The following EIF4E3 variants were observed in gnomAD, a reference collection of about 807,000 sequenced individuals.
EIF4E3 encodes the protein eukaryotic translation initiation factor 4E type 3.
A neutral mutation model predicts 31.7 loss-of-function variants in EIF4E3; 26 were observed. The ratio of observed to expected loss-of-function variants is 0.82; its 90% confidence interval spans 0.60 to 1.14. EIF4E3 has a LOEUF of 1.14. Among genes scored for constraint, EIF4E3 ranks in the 50% most tolerant of loss-of-function variants. The pLI, the probability that EIF4E3 is intolerant of heterozygous loss-of-function variation, is 0.00. For missense variants in EIF4E3, 304 were observed against 270.9 expected (o/e 1.12, Z -0.86); for synonymous variants, 128 against 107.7 (o/e 1.19, Z -1.17).
downstream of EIF4E3, among the ~76,000 whole-genome samples, chr3:71,674,340 C>T (rs1224392705): frequency 6.6e-6 from 1 of 151,932 alleles, no homozygotes; most frequent in Non-Finnish European, 1.5e-5. Context: ...CTCCCAGCCT[C>T]AGGTGATCCA....
At chr3:71,703,521 C>T (rs755818886) in intron 2 of EIF4E3, among the ~76,000 whole-genome samples, 1 of 152,112 alleles carries the variant, frequency 6.6e-6, no homozygotes, top group Non-Finnish European at 1.5e-5. Flanking sequence ...AGGAAGGAAA[C>T]AAAGTATGGT....
the EIF4E3 span, among the ~76,000 whole-genome samples, chr3:71,660,664 G>C: frequency 6.6e-6 from 1 of 152,172 alleles, no homozygotes; most frequent in African/African-American, 2.4e-5. Context: ...TGTGAAAGAA[G>C]TCCTTCCAGG....
chr3:71,706,183 C>T (rs942369266), intron 2 of EIF4E3, among the ~76,000 whole-genome samples: 3 of 152,114 alleles, frequency 2.0e-5, no homozygotes, highest in Non-Finnish European at 4.4e-5. Context: ...GCTGAGTCTC[C>T]TCCACTCCTC....
At chr3:71,732,713 G>A (rs189114497) in intron 1 of EIF4E3, among the ~76,000 whole-genome samples, 8 of 152,318 alleles carry the variant, frequency 5.3e-5, no homozygotes, top group Admixed American at 2.0e-4. Context: ...GGGGAGAGCC[G>A]GCAGGCCTCA....
In EIF4E3 at chr3:71,694,532, C is replaced by T. The variant is rs191882176; in HGVS notation, c.406-591G>A. Among the ~76,000 whole-genome samples the T allele has an allele frequency of 3.8e-4, 58 of 151,592 alleles. No individual in the cohort carries two copies. The South Asian group carries it at 7.7e-3, about 20-fold the overall frequency. ...TCCCTGGAAGATTCAGTGCACGCTC[C>T]GGTCTGCCTCCTACCAATGAGAAAT... On this transcript the variant is annotated intron_variant, in intron 4 of 6. Coordinates refer to ENST00000425534, the MANE Select transcript of EIF4E3 (RefSeq NM_001134651.2).
the EIF4E3 span, among the ~76,000 whole-genome samples, chr3:71,666,895 C>T: frequency 3.3e-5 from 5 of 152,092 alleles, no homozygotes; most frequent in Admixed American, 6.5e-5. Flanking sequence ...GCCGAGGTCA[C>T]GCCACTGCAC....
the EIF4E3 span, among the ~76,000 whole-genome samples, chr3:71,670,413 C>T: frequency 1.3e-5 from 2 of 151,824 alleles, no homozygotes; most frequent in Admixed American, 6.6e-5. Context: ...CTCCATTGCA[C>T]CCCCCCAACC....
At chr3:71,671,393 GGA>G (rs1400328510), downstream of EIF4E3, among the ~76,000 whole-genome samples, 1 of 152,082 alleles carries the variant, frequency 6.6e-6, no homozygotes, top group Non-Finnish European at 1.5e-5. Context: ...GAGAAGAGTG[GGA>G]GAGACAGCAT....
upstream of EIF4E3, chr3:71,754,374 G>A: frequency 3.0e-6 from 4 of 1,329,920 alleles, no homozygotes; most frequent in South Asian, 1.8e-5. The surrounding 1 kb of genome is among the most constrained non-coding windows in gnomAD (Gnocchi z 5.8). Context: ...CTGCTTCCAC[G>A]CCGCCTTCCT....
At chr3:71,660,331 G>C in the EIF4E3 span, among the ~76,000 whole-genome samples, 1 of 147,392 alleles carries the variant, frequency 6.8e-6, no homozygotes, top group African/African-American at 2.5e-5. Context: ...AAGTGAAGCT[G>C]AAAAAAAAAA....
At chr3:71,712,636 G>GGC (rs1409185825) in intron 1 of EIF4E3, among the ~76,000 whole-genome samples, 1 of 55,138 alleles carries the variant, frequency 1.8e-5, no homozygotes, top group Non-Finnish European at 3.6e-5. Flanking sequence ...TGCGGGGGGT[G>GGC]GGCGGGGGAG....
At chr3:71,686,705 C>T (rs2048996947) in intron 6 of EIF4E3, among the ~76,000 whole-genome samples, 1 of 152,060 alleles carries the variant, frequency 6.6e-6, no homozygotes, top group Non-Finnish European at 1.5e-5. Flanking sequence ...GGTTTCCAAA[C>T]AATAAATCCA....
At chr3:71,700,204 A>G (rs1471060240) in intron 2 of EIF4E3, among the ~76,000 whole-genome samples, 1 of 152,088 alleles carries the variant, frequency 6.6e-6, no homozygotes, top group Non-Finnish European at 1.5e-5. Flanking sequence ...ACACAACAAC[A>G]AGAAGAAAAG....
intron 1 of EIF4E3, among the ~76,000 whole-genome samples, chr3:71,724,176 T>A (rs2049592667): frequency 6.6e-6 from 1 of 152,164 alleles, no homozygotes; most frequent in Non-Finnish European, 1.5e-5. Context: ...CCTTGAGGTG[T>A]CATCATTGGG....
chr3:71,686,541 TGA>T (rs978792454), intron 6 of EIF4E3, among the ~76,000 whole-genome samples: 4 of 126,122 alleles, frequency 3.2e-5, no homozygotes, highest in Non-Finnish European at 4.9e-5. Context: ...TATTTCACAT[TGA>T]GTGTGTGTGT....
intron 6 of EIF4E3, among the ~76,000 whole-genome samples, chr3:71,686,543 A>AGGGTGTGTGTGTGT (rs1553659503): frequency 7.0e-6 from 1 of 143,498 alleles, no homozygotes; most frequent in Non-Finnish European, 1.5e-5. Flanking sequence ...TTTCACATTG[A>AGGGTGTGTGTGTGT]GTGTGTGTGT....
intron 5 of EIF4E3, among the ~76,000 whole-genome samples, chr3:71,692,598 C>CT (rs749669628): frequency 0.032 from 3,038 of 96,348 alleles, 95 homozygotes; most frequent in African/African-American, 0.12. Context: ...CCCAGGTCTT[C>CT]TTTTTTTTTT....
chr3:71,694,366 G>A (rs1025311180), intron 4 of EIF4E3, among the ~76,000 whole-genome samples: 3 of 152,038 alleles, frequency 2.0e-5, no homozygotes, highest in Admixed American at 1.3e-4. Context: ...CTACTTATAA[G>A]GTACTTAAAA....
chr3:71,712,852 C>CA (rs11403409), intron 1 of EIF4E3, among the ~76,000 whole-genome samples: 73,531 of 121,002 alleles, frequency 0.61, 22,988 homozygotes, highest in Middle Eastern at 0.76. Flanking sequence ...TAACCTAGAC[C>CA]AAAAAAAAAA....
Sources: allele counts gnomAD v4.1 joint callset (sites outside exome capture counted in the v4.1 genomes callset), GRCh38; gene constraint gnomAD v4.1.1; non-coding constraint Gnocchi (gnomAD v3.1); transcripts MANE v1.5; gene names NCBI Gene and HGNC (gene_info 2026-07-23, HGNC 2026-07-21).